RGS7: variants seen among roughly 807,000 people sequenced by gnomAD.
The protein encoded by RGS7 is regulator of G protein signaling 7, also known as regulator of G-protein signaling 7.
A neutral mutation model predicts 81.1 loss-of-function variants in RGS7; 27 were observed. That is an observed-to-expected ratio of 0.33 (90% CI 0.25 to 0.46). The LOEUF (loss-of-function observed/expected upper bound fraction) is 0.46. RGS7 is among the 20% of genes least tolerant of loss of function. The probability of loss-of-function intolerance (pLI) is 1.00; values close to 1 mark genes in which losing one functional copy is unlikely to be tolerated. For synonymous variants in RGS7, 208 were observed against 207.7 expected (o/e 1.00, Z -0.01); for missense variants, 396 against 607.4 (o/e 0.65, Z 3.66).
At chr1:240,838,562 T>C (rs1055486250) in intron 9 of RGS7, among the ~76,000 whole-genome samples, 4 of 152,214 alleles carry the variant, frequency 2.6e-5, no homozygotes, top group African/African-American at 7.2e-5. Flanking sequence ...GTAGTGGTGT[T>C]AGAAAAGAGA....
intron 6 of RGS7, among the ~76,000 whole-genome samples, chr1:240,882,082 C>A (rs748605663): frequency 6.6e-6 from 1 of 151,996 alleles, no homozygotes; most frequent in Non-Finnish European, 1.5e-5. Context: ...GCCCAGCTAA[C>A]TTTTGTGTTT....
chr1:241,201,989 T>C (rs2073534848), intron 2 of RGS7, among the ~76,000 whole-genome samples: 2 of 113,366 alleles, frequency 1.8e-5, no homozygotes, highest in Non-Finnish European at 3.6e-5. Context: ...ACCTCAACCC[T>C]GCAAACACAC....
intron 2 of RGS7, among the ~76,000 whole-genome samples, chr1:241,287,685 C>G (rs868315612): frequency 1.3e-5 from 2 of 152,044 alleles, no homozygotes; most frequent in Middle Eastern, 3.4e-3. Flanking sequence ...CAAAGGAAGA[C>G]CTCTCTGGTT....
intron 6 of RGS7, among the ~76,000 whole-genome samples, chr1:240,926,862 C>T (rs1674529192): frequency 2.0e-5 from 3 of 152,150 alleles, no homozygotes; most frequent in Non-Finnish European, 4.4e-5. Context: ...GCCTTTTAGT[C>T]CGTATTGGCT....
At chr1:241,312,947 T>C (rs186723266) in intron 2 of RGS7, among the ~76,000 whole-genome samples, 9 of 152,320 alleles carry the variant, frequency 5.9e-5, no homozygotes, top group African/African-American at 1.4e-4. Flanking sequence ...AACGGCCTTA[T>C]TGCTGATATG....
intron 3 of RGS7, among the ~76,000 whole-genome samples, chr1:241,061,563 T>C (rs529536974): frequency 1.7e-4 from 26 of 152,280 alleles, no homozygotes; most frequent in African/African-American, 6.3e-4. Context: ...AATCTATTCC[T>C]AATAAGTGCT....
chr1:241,306,113 T>C (rs1371762178), intron 2 of RGS7, among the ~76,000 whole-genome samples: 1 of 130,722 alleles, frequency 7.6e-6, no homozygotes, highest in Non-Finnish European at 1.6e-5. Context: ...CTATATTCTT[T>C]CTCTCATCTC....
Position 241,355,726 on chromosome 1 carries a change from T to C in RGS7, c.51A>G (p.Glu17=). 6.2e-7 allele frequency: 1 copy of C among 1,614,136 alleles called. No individual in the cohort carries two copies. Among genetic ancestry groups the C allele is most frequent in the Non-Finnish European group, 8.5e-7 (1 of 1,180,002 alleles). The change falls in exon 2 of 19, where the codon GAA becomes GAG. Residue 17 remains glutamate (E), a synonymous_variant. Coordinates refer to ENST00000440928, the MANE Select transcript of RGS7 (RefSeq NM_001364886.1). ...TTCTGTACACCAGCATGTTGGGTGA[T>C]TCATCGGCCACCCCGTTGCTGGTCT... is the stretch of plus-strand genomic sequence containing the variant. ...YGQTSNGVAD[E]SPNMLVYRKM...
chr1:241,208,143 A>T (rs1484607590), intron 2 of RGS7, among the ~76,000 whole-genome samples: 5 of 152,108 alleles, frequency 3.3e-5, no homozygotes, highest in Admixed American at 2.6e-4. Flanking sequence ...TGACCTTGTG[A>T]TCCACCTGCC....
chr1:240,963,224 C>T (rs1284220387), intron 4 of RGS7, among the ~76,000 whole-genome samples: 1 of 152,074 alleles, frequency 6.6e-6, no homozygotes, highest in Non-Finnish European at 1.5e-5. Flanking sequence ...AGAATTTCGT[C>T]CATTTAGATT....
chr1:241,065,878 G>A (rs3003553), intron 3 of RGS7, among the ~76,000 whole-genome samples: 148,422 of 152,274 alleles, frequency 0.97, 72,443 homozygotes, highest in East Asian at 1. Context: ...ATAGTATCTC[G>A]CAAGATTGTT....
intron 2 of RGS7, among the ~76,000 whole-genome samples, chr1:241,290,698 T>A (rs147767149): frequency 2.0e-5 from 3 of 152,206 alleles, no homozygotes; most frequent in Non-Finnish European, 4.4e-5. Flanking sequence ...TAGTTTGGCA[T>A]GGGTTTGGAT....
At chr1:241,010,475 C>A (rs1212011595) in intron 3 of RGS7, among the ~76,000 whole-genome samples, 2 of 152,204 alleles carry the variant, frequency 1.3e-5, no homozygotes, top group African/African-American at 2.4e-5. Flanking sequence ...AAGAACTCTG[C>A]TCTGTGATGA....
chr1:241,234,866 AG>A (rs2075844705), intron 2 of RGS7, among the ~76,000 whole-genome samples: 1 of 152,056 alleles, frequency 6.6e-6, no homozygotes, highest in African/African-American at 2.4e-5. Context: ...AAAAAAAAAA[AG>A]GAAAAAAAGC....
chr1:240,799,931 A>G (rs1687761480), intron 18 of RGS7, among the ~76,000 whole-genome samples: 2 of 152,168 alleles, frequency 1.3e-5, no homozygotes, highest in South Asian at 4.1e-4. Context: ...GAGTTTGAGA[A>G]GTGGGTTAGA....
intron 3 of RGS7, among the ~76,000 whole-genome samples, chr1:241,010,990 A>AT (rs994690837): frequency 6.6e-6 from 1 of 152,112 alleles, no homozygotes; most frequent in African/African-American, 2.4e-5. Flanking sequence ...CAACACACAG[A>AT]TTTTTTTGGA....
intron 6 of RGS7, among the ~76,000 whole-genome samples, chr1:240,902,354 A>G (rs1046660360): frequency 2.0e-5 from 3 of 152,228 alleles, no homozygotes; most frequent in African/African-American, 7.2e-5. Context: ...TGCCAAGATG[A>G]TGAAATAAAA....
At chr1:240,855,196 A>C (rs998873913) in intron 9 of RGS7, among the ~76,000 whole-genome samples, 4 of 151,454 alleles carry the variant, frequency 2.6e-5, no homozygotes, top group African/African-American at 7.3e-5. Flanking sequence ...GGATGGTAGA[A>C]TCATTGCAAA....
intron 2 of RGS7, among the ~76,000 whole-genome samples, chr1:241,308,748 G>A (rs540894234): frequency 2.9e-4 from 44 of 152,218 alleles, no homozygotes; most frequent in Non-Finnish European, 4.6e-4. Context: ...TGTGCGGGGG[G>A]CCCTCTTAGC....
Sources: gnomAD v4.1 joint callset for allele counts (sites outside exome capture counted in the v4.1 genomes callset) on GRCh38, gnomAD v4.1.1 for gene constraint, MANE v1.5 for transcripts, NCBI Gene and HGNC (gene_info 2026-07-23, HGNC 2026-07-21) for gene names.